The following NEBL variants were observed in gnomAD, a reference collection of about 807,000 sequenced individuals.
The protein encoded by NEBL is LIM and SH3 protein 2.
Under a neutral mutation model 140.2 loss-of-function variants are expected in NEBL, and 122 were observed. That is an observed-to-expected ratio of 0.87 (90% confidence interval 0.75 to 1.01). The LOEUF is 1.01. Among genes scored for constraint, NEBL ranks in the 50% least tolerant of loss-of-function variants. NEBL has a pLI of 0.00. For synonymous variants in NEBL, 436 were observed against 398.9 expected (o/e 1.09, Z -1.11); for missense variants, 1,365 against 1,231.3 (o/e 1.11, Z -1.62).
At chr10:20,817,777 C>G in intron 20 of NEBL, 85 bp from the exon 21 acceptor site, 1 of 1,078,602 alleles carries the variant, frequency 9.3e-7, no homozygotes, top group Non-Finnish European at 1.4e-6. Context: ...AAATTAGCAC[C>G]ATCTTTTTAC....
chr10:20,833,705 G>A (rs915589124), intron 14 of NEBL, among the ~76,000 whole-genome samples: 38 of 150,578 alleles, frequency 2.5e-4, no homozygotes, highest in African/African-American at 7.3e-4. Context: ...GCAGTGAGCC[G>A]AGATTGCACC....
intron 3 of NEBL, among the ~76,000 whole-genome samples, chr10:21,197,123 T>C (rs1841665558): frequency 3.3e-5 from 5 of 152,140 alleles, no homozygotes; most frequent in Non-Finnish European, 7.4e-5. Flanking sequence ...GTGAAAAAAA[T>C]GGTTACTTCT....
chr10:20,828,700 G>T (rs1356824946), intron 16 of NEBL, 66 bp from the exon 17 acceptor site: 1 of 1,078,534 alleles, frequency 9.3e-7, no homozygotes, highest in Non-Finnish European at 1.4e-6. Context: ...GAGGGAGGGA[G>T]GGAGGCAGGA....
At chr10:20,922,708 G>A (rs1011287544) in intron 4 of NEBL, among the ~76,000 whole-genome samples, 9 of 152,198 alleles carry the variant, frequency 5.9e-5, no homozygotes, top group South Asian at 4.2e-4. Flanking sequence ...GCCCAGCATG[G>A]GTGTGCACTC....
Position 20,852,411 on chromosome 10 carries a change from G to A in NEBL, c.1008+134C>T, listed in dbSNP as rs1029180562. On this transcript the variant is annotated intron_variant, in intron 10 of 27. Coordinates refer to ENST00000377122, the MANE Select transcript of NEBL (RefSeq NM_006393.3). ...AGTGTTTGAGATTTTCAAAAGTAAT[G>A]TTAATATTCTCAGGATTTATTCTTT... The A allele has an allele frequency of 1.7e-5, 12 of 708,278 alleles. No individual in the cohort carries two copies. The African/African-American group carries it at 1.9e-4, about 11-fold the overall frequency. The allele number at this position is 708,278 out of a possible 1,614,324, so 43.9% of individuals were successfully genotyped here. A position where few individuals can be genotyped will look rare whatever the true frequency, so the allele number is the denominator to read the frequency against.
intron 3 of NEBL, among the ~76,000 whole-genome samples, chr10:21,238,091 T>C (rs955831912): frequency 6.6e-6 from 1 of 152,200 alleles, no homozygotes; most frequent in Non-Finnish European, 1.5e-5. Flanking sequence ...AATGAATGCT[T>C]TCTTCCTTGT....
At chr10:21,177,342 C>T (rs1589316668), upstream of NEBL, among the ~76,000 whole-genome samples, 1 of 152,094 alleles carries the variant, frequency 6.6e-6, no homozygotes, top group Non-Finnish European at 1.5e-5. Flanking sequence ...CACAGCAAGC[C>T]CACAGCCTTC....
At chr10:21,166,076 C>T (rs1023861116) in intron 2 of NEBL, among the ~76,000 whole-genome samples, 2 of 151,578 alleles carry the variant, frequency 1.3e-5, no homozygotes, top group African/African-American at 4.8e-5. Context: ...AAAAATTAGC[C>T]GGGCCTGGTG....
intron 1 of NEBL, among the ~76,000 whole-genome samples, chr10:21,262,284 G>A (rs998607614): frequency 6.6e-6 from 1 of 152,172 alleles, no homozygotes; most frequent in Non-Finnish European, 1.5e-5. Context: ...ACGCCATCAC[G>A]AAATGCTTTG....
At chr10:20,813,765 A>C in intron 23 of NEBL, 174 bp downstream of exon 23, 1 of 615,850 alleles carries the variant, frequency 1.6e-6, no homozygotes, top group South Asian at 1.9e-5. Flanking sequence ...ATTTTATTAG[A>C]CTAAATGTTT....
intron 5 of NEBL, among the ~76,000 whole-genome samples, chr10:20,876,403 T>C (rs1845506166): frequency 6.6e-6 from 1 of 152,200 alleles, no homozygotes; most frequent in African/African-American, 2.4e-5. Context: ...TATCTAATTT[T>C]AATGCTAAAT....
chr10:20,812,686 T>C (rs1428272141), intron 24 of NEBL, 83 bp downstream of exon 24: 10 of 1,529,392 alleles, frequency 6.5e-6, no homozygotes, highest in African/African-American at 1.4e-5. Flanking sequence ...AGGAGTCAGA[T>C]GACTCAAGAG....
intron 3 of NEBL, among the ~76,000 whole-genome samples, chr10:21,210,450 T>C (rs372210824): frequency 6.6e-6 from 1 of 152,242 alleles, no homozygotes; most frequent in East Asian, 1.9e-4. Context: ...TCCAGTCCAA[T>C]ACATATACTT....
intron 2 of NEBL, among the ~76,000 whole-genome samples, chr10:21,171,283 C>G (rs1841061700): frequency 6.9e-6 from 1 of 144,200 alleles, no homozygotes; most frequent in Non-Finnish European, 1.5e-5. Flanking sequence ...TGCAGTGAGC[C>G]AAGATCATGC....
chr10:20,937,256 C>T (rs768095437), intron 4 of NEBL, among the ~76,000 whole-genome samples: 18 of 152,164 alleles, frequency 1.2e-4, no homozygotes, highest in Non-Finnish European at 2.1e-4. Context: ...TGAGAAAGCT[C>T]GATTTCATAT....
At chr10:21,144,089 G>C (rs552557424) in intron 2 of NEBL, among the ~76,000 whole-genome samples, 158 of 152,354 alleles carry the variant, frequency 1.0e-3, no homozygotes, top group Non-Finnish European at 1.9e-3. Context: ...GTAATGAGAG[G>C]CATCTGCAGC....
upstream of NEBL, chr10:20,897,622 G>C (rs1293719802): frequency 1.2e-6 from 1 of 822,160 alleles, no homozygotes; most frequent in African/African-American, 1.9e-5. Flanking sequence ...TCCAAAGCCT[G>C]TTATCTCAAA....
intron 4 of NEBL, among the ~76,000 whole-genome samples, chr10:20,886,368 A>G (rs1317288669): frequency 1.3e-5 from 2 of 151,988 alleles, no homozygotes; most frequent in African/African-American, 4.8e-5. Flanking sequence ...ACTAAAAAAA[A>G]AAATACAAAA....
intron 2 of NEBL, among the ~76,000 whole-genome samples, chr10:21,167,694 T>G (rs1840841334): frequency 6.6e-6 from 1 of 152,262 alleles, no homozygotes. Flanking sequence ...GTCTTAGGGT[T>G]TATACTCATT....
Sources: allele counts gnomAD v4.1 joint callset (sites outside exome capture counted in the v4.1 genomes callset), GRCh38; gene constraint gnomAD v4.1.1; transcripts MANE v1.5; gene names NCBI Gene and HGNC (gene_info 2026-07-23, HGNC 2026-07-21).